Variants in NAALAD2 observed in about 807,000 individuals in gnomAD.
The protein encoded by NAALAD2 is N-acetylated alpha-linked acidic dipeptidase 2, also known as N-acetylated-alpha-linked acidic dipeptidase 2.
Under a neutral mutation model 95.6 loss-of-function variants are expected in NAALAD2, and 89 were observed. The ratio of observed to expected loss-of-function variants is 0.93; its 90% CI spans 0.78 to 1.11. The LOEUF is 1.11. NAALAD2 is among the 50% of genes least tolerant of loss of function. The pLI is 0.00. For missense variants in NAALAD2, 894 were observed against 872.4 expected, an observed-to-expected ratio of 1.02 and a Z score of -0.31; for synonymous variants, 264 against 294.4, an observed-to-expected ratio of 0.90 and a Z score of 1.06.
intron 18 of NAALAD2, among the ~76,000 whole-genome samples, chr11:90,188,053 A>C (rs926216957): frequency 1.1e-4 from 17 of 152,174 alleles, no homozygotes; most frequent in Middle Eastern, 3.2e-3. Flanking sequence ...TGAGTAACAG[A>C]AACAGCCAGA....
At chr11:90,188,742 G>A (rs1017528989) in intron 18 of NAALAD2, among the ~76,000 whole-genome samples, 4 of 152,184 alleles carry the variant, frequency 2.6e-5, no homozygotes, top group African/African-American at 9.7e-5. Flanking sequence ...TTATTTTTGA[G>A]TTGTGGGTAA....
In NAALAD2 at chr11:90,155,707, T is replaced by TACA. The variant is rs1245858876; in HGVS notation, c.797-2438_797-2437insACA. ...TACATACATACATATGTATGTATTATTATTGTATGTATGTAATACATACAT... is the reference window on the plus strand; with the variant it reads ...TACATACATACATATGTATGTATTATACATATTGTATGTATGTAATACATACAT... On this transcript the variant is annotated intron_variant, in intron 6 of 18. Transcript: ENST00000534061. 2.0e-4 allele frequency among the ~76,000 whole-genome samples: 11 copies of TACA among 55,124 alleles called. 1 individual carries two copies. The highest frequency in any genetic ancestry group is 9.2e-4 in the African/African-American group (11 of 11,898). The allele number at this position is 55,124 out of a possible 152,430, so 36.2% of individuals were successfully genotyped here.
intron 6 of NAALAD2, among the ~76,000 whole-genome samples, chr11:90,154,995 G>C (rs1040471152): frequency 1.9e-5 from 1 of 52,682 alleles, no homozygotes; most frequent in Non-Finnish European, 3.3e-5. Context: ...TACATAATAT[G>C]TATGTGTGTA....
At chr11:90,155,416 T>G (rs1208376272) in intron 6 of NAALAD2, among the ~76,000 whole-genome samples, 13 of 86,634 alleles carry the variant, frequency 1.5e-4, no homozygotes, top group African/African-American at 7.2e-4. Flanking sequence ...AATGTAATAT[T>G]ACATATTATA....
chr11:90,175,977 A>T lies in NAALAD2; in HGVS notation c.1508A>T (p.Asn503Ile). ...SPENKNLPRINKLGSGSDFEA... is the reference protein window; with the variant it reads ...SPENKNLPRIIKLGSGSDFEA... Reference sequence around the variant, plus strand: ...GGATTGCATTCTACATCTAGAATCAATAAGCTGGGATCTGGAAGTGACTTT... The same window carrying T: ...GGATTGCATTCTACATCTAGAATCATTAAGCTGGGATCTGGAAGTGACTTT... The change falls in exon 15 of 19, where the codon AAT becomes ATT. Residue 503 changes from asparagine to isoleucine, a missense_variant. Physicochemically the swap from Asn to Ile is moderately radical, Grantham distance 149. Transcript: ENST00000534061. 1.2e-6 allele frequency: 2 copies of T among 1,607,040 alleles called. No homozygotes were observed. The highest frequency in any genetic ancestry group is 1.7e-6 in the Non-Finnish European group (2 of 1,174,202).
At chr11:90,135,756 G>T in intron 2 of NAALAD2, 86 bp downstream of exon 2, 1 of 1,043,528 alleles carries the variant, frequency 9.6e-7, no homozygotes. Flanking sequence ...ATATGCATGA[G>T]GACAGTCTTC....
intron 18 of NAALAD2, among the ~76,000 whole-genome samples, chr11:90,186,599 G>T (rs1419340717): frequency 6.6e-6 from 1 of 151,918 alleles, no homozygotes; most frequent in African/African-American, 2.4e-5. Context: ...TTAATAAATG[G>T]TGCTGGGAAA....
chr11:90,157,773 T>C (rs1379142971), intron 6 of NAALAD2, among the ~76,000 whole-genome samples: 1 of 151,762 alleles, frequency 6.6e-6, no homozygotes, highest in Non-Finnish European at 1.5e-5. Context: ...CAGGCTAGAG[T>C]GCAGTGGCGT....
intron 2 of NAALAD2, 85 bp from the exon 3 acceptor site, chr11:90,147,245 C>T: frequency 1.9e-6 from 2 of 1,038,920 alleles, no homozygotes; most frequent in Non-Finnish European, 2.8e-6. Context: ...ATGCCCAATG[C>T]ATAAGTAGTG....
intron 16 of NAALAD2, among the ~76,000 whole-genome samples, chr11:90,178,573 A>T (rs986640780): frequency 6.6e-6 from 1 of 151,876 alleles, no homozygotes; most frequent in African/African-American, 2.4e-5. Flanking sequence ...CGGGAGGCTG[A>T]GGCAGGAGAA....
At chr11:90,162,018 G>T (rs1340163233) in intron 8 of NAALAD2, among the ~76,000 whole-genome samples, 2 of 151,852 alleles carry the variant, frequency 1.3e-5, no homozygotes, top group East Asian at 1.9e-4. Context: ...TATACTTTTG[G>T]TGGGGGTGAG....
intron 6 of NAALAD2, among the ~76,000 whole-genome samples, chr11:90,155,372 ATTAC>A (rs1952045335): frequency 2.6e-5 from 2 of 78,030 alleles, no homozygotes; most frequent in Non-Finnish European, 4.3e-5. Flanking sequence ...AATATGTAAT[ATTAC>A]ATATTATACA....
At chr11:90,163,160 A>G (rs1952343277) in intron 9 of NAALAD2, 126 bp downstream of exon 9, 2 of 1,220,814 alleles carry the variant, frequency 1.6e-6, no homozygotes, top group Non-Finnish European at 2.3e-6. Flanking sequence ...TTTTGAGGAA[A>G]ACTGTACAAA....
intron 5 of NAALAD2, among the ~76,000 whole-genome samples, chr11:90,151,884 A>G (rs116025904): frequency 1.9e-3 from 295 of 152,308 alleles, no homozygotes; most frequent in African/African-American, 6.4e-3. Context: ...ATGATGTGCG[A>G]GATTTTACAG....
intron 13 of NAALAD2, among the ~76,000 whole-genome samples, chr11:90,171,312 C>T (rs1952626893): frequency 6.6e-6 from 1 of 152,116 alleles, no homozygotes; most frequent in Admixed American, 6.5e-5. Flanking sequence ...TAATCTTACC[C>T]CTCTCTTTTT....
At chr11:90,175,887 T>C in intron 14 of NAALAD2, 85 bp from the exon 15 acceptor site, 1 of 747,342 alleles carries the variant, frequency 1.3e-6, no homozygotes, top group Non-Finnish European at 2.3e-6. Flanking sequence ...GGGGCAGGAT[T>C]CCTTGTCCCA....
At chr11:90,157,816 G>A (rs1042574499) in intron 6 of NAALAD2, among the ~76,000 whole-genome samples, 3 of 151,978 alleles carry the variant, frequency 2.0e-5, no homozygotes, top group African/African-American at 7.3e-5. Context: ...TGCCTCCTGG[G>A]TTCAAGCGAT....
intron 4 of NAALAD2, among the ~76,000 whole-genome samples, chr11:90,149,488 G>T (rs564363945): frequency 6.6e-6 from 1 of 152,116 alleles, no homozygotes; most frequent in East Asian, 1.9e-4. Context: ...AGGCTGGAGT[G>T]CAGTGGCACA....
chr11:90,181,164 G>T (rs1952956804), intron 16 of NAALAD2, among the ~76,000 whole-genome samples: 1 of 152,006 alleles, frequency 6.6e-6, no homozygotes, highest in Non-Finnish European at 1.5e-5. Context: ...CTCAGTATCT[G>T]GTTATATCAG....
Sources: gnomAD v4.1 joint callset for allele counts (sites outside exome capture counted in the v4.1 genomes callset) on GRCh38, gnomAD v4.1.1 for gene constraint, MANE v1.5 for transcripts, NCBI Gene and HGNC (gene_info 2026-07-23, HGNC 2026-07-21) for gene names.